The following LRP1B variants were observed in gnomAD, a reference collection of about 807,000 sequenced individuals.
The protein encoded by LRP1B is low-density lipoprotein receptor-related protein 1B.
Under a neutral mutation model 556.6 loss-of-function variants are expected in LRP1B, and 217 were observed. The ratio of observed to expected loss-of-function variants is 0.39; its 90% confidence interval spans 0.35 to 0.44. The LOEUF (loss-of-function observed/expected upper bound fraction) is 0.44. LRP1B is among the 20% of genes least tolerant of loss of function. The pLI is 1.00. For synonymous variants in LRP1B, 2,047 were observed against 1,865.8 expected (o/e 1.10, Z -2.50); for missense variants, 5,053 against 5,620.8 (o/e 0.90, Z 3.23).
At chr2:141,395,785 G>A (rs999346280) in intron 3 of LRP1B, among the ~76,000 whole-genome samples, 3 of 152,104 alleles carry the variant, frequency 2.0e-5, no homozygotes, top group African/African-American at 7.2e-5. Flanking sequence ...CATTCAAGAA[G>A]CACAAGTATT....
intron 2 of LRP1B, among the ~76,000 whole-genome samples, chr2:141,660,240 C>T (rs1471026975): frequency 6.6e-6 from 1 of 152,128 alleles, no homozygotes; most frequent in African/African-American, 2.4e-5. Flanking sequence ...GAGCTCCCAC[C>T]CCCAGCCAAG....
chr2:141,890,864 G>A (rs1699269755), intron 1 of LRP1B, among the ~76,000 whole-genome samples: 2 of 152,140 alleles, frequency 1.3e-5, no homozygotes, highest in African/African-American at 4.8e-5. Flanking sequence ...TTATTATTTA[G>A]CAATGAAGAT....
intron 2 of LRP1B, among the ~76,000 whole-genome samples, chr2:141,681,883 A>G (rs1691117478): frequency 6.6e-6 from 1 of 152,144 alleles, no homozygotes; most frequent in African/African-American, 2.4e-5. Flanking sequence ...GAAGAGTTCC[A>G]ATAGACTTAG....
intron 3 of LRP1B, among the ~76,000 whole-genome samples, chr2:141,413,666 C>T (rs922725306): frequency 6.6e-6 from 1 of 152,096 alleles, no homozygotes. Flanking sequence ...AATCCCAGCA[C>T]TTTGGGAGGG....
chr2:141,128,570 A>G (rs1035518414), intron 7 of LRP1B, among the ~76,000 whole-genome samples: 2 of 152,230 alleles, frequency 1.3e-5, no homozygotes, highest in Admixed American at 6.5e-5. Context: ...ATAATAAAAA[A>G]CAAGTAAAGT....
chr2:141,897,590 C>T (rs1200885891), intron 1 of LRP1B, among the ~76,000 whole-genome samples: 10 of 151,978 alleles, frequency 6.6e-5, no homozygotes, highest in Non-Finnish European at 1.3e-4. Flanking sequence ...TGCCCATGTA[C>T]AAAGATATGA....
intron 1 of LRP1B, among the ~76,000 whole-genome samples, chr2:141,864,626 A>T (rs1005993228): frequency 6.6e-6 from 1 of 152,056 alleles, no homozygotes; most frequent in African/African-American, 2.4e-5. Context: ...TCACGCCTGT[A>T]ATCCCAGCAC....
intron 63 of LRP1B, among the ~76,000 whole-genome samples, chr2:140,446,847 A>G (rs1349685274): frequency 6.6e-6 from 1 of 152,114 alleles, no homozygotes; most frequent in Admixed American, 6.6e-5. Context: ...AAATTAAAAA[A>G]CTTATGTACA....
rs557143112 is a variant in LRP1B, at chr2:140,428,511, G to A, written c.10414+13993C>T. ...TCTGTGCGGGACCCCACTGAAAATC[G>A]GACTGTTCAACTCACCTGGCAGCCA... is the stretch of plus-strand genomic sequence containing the variant. On this transcript the variant is annotated intron_variant, in intron 66 of 90. Transcript: ENST00000389484. 1.9e-4 allele frequency among the ~76,000 whole-genome samples: 29 copies of A among 152,084 alleles called. 1 individual carries two copies. The highest frequency in any genetic ancestry group is 5.9e-4 in the Admixed American group (9 of 15,270).
At chr2:141,039,224 C>G (rs945064192) in intron 11 of LRP1B, among the ~76,000 whole-genome samples, 3 of 152,066 alleles carry the variant, frequency 2.0e-5, no homozygotes, top group Non-Finnish European at 4.4e-5. Context: ...GTAAGATTGA[C>G]AGACCACAAG....
intron 6 of LRP1B, among the ~76,000 whole-genome samples, chr2:141,218,743 A>G (rs1156541993): frequency 6.6e-6 from 1 of 152,234 alleles, no homozygotes; most frequent in Admixed American, 6.5e-5. Context: ...TACCCACATA[A>G]TAAACCTGTA....
intron 2 of LRP1B, among the ~76,000 whole-genome samples, chr2:141,515,734 G>A (rs922690480): frequency 6.6e-6 from 1 of 152,092 alleles, no homozygotes; most frequent in Non-Finnish European, 1.5e-5. Context: ...AAGGGGAAAT[G>A]ATATGATATG....
intron 41 of LRP1B, among the ~76,000 whole-genome samples, chr2:140,606,111 T>C (rs1303491421): frequency 6.6e-6 from 1 of 151,988 alleles, no homozygotes; most frequent in Non-Finnish European, 1.5e-5. Context: ...TATTTGCAGA[T>C]GGCAAGTACT....
intron 20 of LRP1B, among the ~76,000 whole-genome samples, chr2:140,940,359 G>A (rs538632714): frequency 6.6e-6 from 1 of 152,182 alleles, no homozygotes; most frequent in East Asian, 1.9e-4. Context: ...TAATTCAGAT[G>A]AATTAAACTG....
At chr2:140,381,199 T>A (rs1683468419) in intron 67 of LRP1B, among the ~76,000 whole-genome samples, 1 of 152,132 alleles carries the variant, frequency 6.6e-6, no homozygotes, top group Non-Finnish European at 1.5e-5. Context: ...AATTTTTCCT[T>A]ATTGCTTATC....
intron 66 of LRP1B, among the ~76,000 whole-genome samples, chr2:140,397,953 T>A (rs1266297694): frequency 6.6e-6 from 1 of 152,122 alleles, no homozygotes. Context: ...TGCAATCTAA[T>A]GTATTTGTTA....
At chr2:141,109,757 C>G (rs534421102) in intron 7 of LRP1B, among the ~76,000 whole-genome samples, 1 of 152,020 alleles carries the variant, frequency 6.6e-6, no homozygotes, top group African/African-American at 2.4e-5. Context: ...GGAAGCTAAG[C>G]AGAAGGCTAA....
intron 41 of LRP1B, among the ~76,000 whole-genome samples, chr2:140,628,265 T>C (rs533922102): frequency 1.5e-4 from 23 of 152,242 alleles, no homozygotes; most frequent in African/African-American, 5.5e-4. Flanking sequence ...GCGCAGTGGC[T>C]CACGACTGTA....
intron 3 of LRP1B, among the ~76,000 whole-genome samples, chr2:141,419,573 C>T (rs1036194009): frequency 5.9e-5 from 9 of 152,094 alleles, no homozygotes; most frequent in African/African-American, 1.9e-4. Context: ...CATAATTGCT[C>T]ATAGTCTCTT....
Sources: gnomAD v4.1 joint callset for allele counts (sites outside exome capture counted in the v4.1 genomes callset) on GRCh38, gnomAD v4.1.1 for gene constraint, MANE v1.5 for transcripts, NCBI Gene and HGNC (gene_info 2026-07-23, HGNC 2026-07-21) for gene names.